TULP4: variants seen among roughly 807,000 people sequenced by gnomAD.
TULP4 encodes tubby-related protein 4.
Under a neutral mutation model 129.0 loss-of-function variants are expected in TULP4, and 16 were observed. That is an observed-to-expected ratio of 0.12 (90% confidence interval 0.08 to 0.19). The LOEUF is 0.19. Ranked by LOEUF, TULP4 falls within the 10% of genes least tolerant of loss-of-function variation. The pLI, the probability that TULP4 is intolerant of heterozygous loss-of-function variation, is 1.00. For synonymous variants in TULP4, 998 were observed against 854.0 expected (o/e 1.17, Z -2.94); for missense variants, 1,842 against 2,059.1 (o/e 0.89, Z 2.04).
intron 1 of TULP4, among the ~76,000 whole-genome samples, chr6:158,306,932 A>G (rs78911509): frequency 6.6e-6 from 1 of 151,938 alleles, no homozygotes; most frequent in East Asian, 1.9e-4. Context: ...AGGTGGGAGG[A>G]TTTTTTTGAG....
chr6:158,415,905 T>C (rs1778199655), intron 2 of TULP4, among the ~76,000 whole-genome samples: 1 of 152,098 alleles, frequency 6.6e-6, no homozygotes, highest in Admixed American at 6.5e-5. Context: ...CGTCTGCAAG[T>C]TGAGGGGCAA....
chr6:158,357,531 G>A (rs550798178), intron 1 of TULP4, among the ~76,000 whole-genome samples: 102 of 152,310 alleles, frequency 6.7e-4, no homozygotes, highest in African/African-American at 2.3e-3. Flanking sequence ...GCCCTGCGGC[G>A]GCCAGCAATT....
At position 158,429,993 on chromosome 6, in the gene TULP4, C is replaced by T. The variant is rs932978585; in HGVS notation, c.543+96C>T. 4 of 1,167,538 alleles carry T rather than the reference C, an allele frequency of 3.4e-6. No homozygotes were observed. In the Admixed American group the frequency reaches 1.1e-4, roughly 32 times the overall value. The allele number at this position is 1,167,538 out of a possible 1,614,324, so 72.3% of individuals were successfully genotyped here. On this transcript the variant is annotated intron_variant, in intron 3 of 13. Coordinates refer to ENST00000367097, the MANE Select transcript of TULP4 (RefSeq NM_020245.5). ...GAGAGGGGAGCTGGTGCAAAAGCCTCTTTAAGAATCACAATGGAAAAGAAC... is the reference window on the plus strand; with the variant it reads ...GAGAGGGGAGCTGGTGCAAAAGCCTTTTTAAGAATCACAATGGAAAAGAAC...
intron 2 of TULP4, among the ~76,000 whole-genome samples, chr6:158,422,924 G>A (rs1002351719): frequency 1.3e-5 from 2 of 152,236 alleles, no homozygotes; most frequent in South Asian, 2.1e-4. Flanking sequence ...GAAGGCGCCC[G>A]AATCGCCATG....
intron 1 of TULP4, among the ~76,000 whole-genome samples, chr6:158,354,612 G>T (rs1780601557): frequency 1.3e-5 from 2 of 152,176 alleles, no homozygotes; most frequent in Admixed American, 1.3e-4. Context: ...TTTGCCCTTG[G>T]CTGGGCATGG....
chr6:158,386,135 A>G (rs1460504224), intron 1 of TULP4, among the ~76,000 whole-genome samples: 2 of 152,036 alleles, frequency 1.3e-5, no homozygotes, highest in Non-Finnish European at 2.9e-5. Context: ...GTGAGCCACT[A>G]TGCCTTGCCA....
At chr6:158,388,949 G>A (rs1401357503) in intron 1 of TULP4, among the ~76,000 whole-genome samples, 1 of 152,164 alleles carries the variant, frequency 6.6e-6, no homozygotes, top group Non-Finnish European at 1.5e-5. Flanking sequence ...TGGACACAGT[G>A]ATTTACTGTT....
At chr6:158,289,753 T>A (rs1462229985) in intron 1 of TULP4, among the ~76,000 whole-genome samples, 5 of 151,766 alleles carry the variant, frequency 3.3e-5, no homozygotes, top group Non-Finnish European at 7.4e-5. Flanking sequence ...GCTGATTTTT[T>A]AATTTTTTGT....
In TULP4 at chr6:158,382,040, C is replaced by G. The variant is rs540655183; in HGVS notation, c.253-31025C>G. Among the ~76,000 whole-genome samples the G allele has an allele frequency of 8.5e-5, 13 of 152,218 alleles. No homozygotes were observed. The East Asian group carries it at 2.5e-3, about 29-fold the overall frequency. ...CTGGCATAATAAACATTCATGTTGACCTGTTTCTAGAAAAAGCAGCCAGGA... is the reference window on the plus strand; with the variant it reads ...CTGGCATAATAAACATTCATGTTGAGCTGTTTCTAGAAAAAGCAGCCAGGA... On this transcript the variant is annotated intron_variant, in intron 1 of 13. Transcript: ENST00000367097.
chr6:158,355,649 G>C (rs1021630611), intron 1 of TULP4, among the ~76,000 whole-genome samples: 2 of 152,198 alleles, frequency 1.3e-5, no homozygotes, highest in Admixed American at 1.3e-4. Context: ...CAGGAAATGG[G>C]AATGGAGAGG....
chr6:158,294,834 C>A (rs1026397939), intron 1 of TULP4, among the ~76,000 whole-genome samples: 2 of 152,174 alleles, frequency 1.3e-5, no homozygotes, highest in African/African-American at 2.4e-5. Flanking sequence ...CAAGCTCAAG[C>A]CATCCTCCTA....
intron 6 of TULP4, among the ~76,000 whole-genome samples, chr6:158,470,598 A>T (rs1362122139): frequency 6.6e-6 from 1 of 152,224 alleles, no homozygotes; most frequent in Non-Finnish European, 1.5e-5. Flanking sequence ...AGGCTTAGGG[A>T]TTCTTAGTCG....
rs990893259 is a variant in TULP4, at chr6:158,511,257, G to A, written c.*4563G>A. ...TGTTGTAGAAAAGCATGGGTTATGC[G>A]TTTGACTGAAAAAGACACTGTATTA... is the stretch of plus-strand genomic sequence containing the variant. On this transcript the variant is annotated 3_prime_UTR_variant, in exon 14 of 14. Coordinates refer to ENST00000367097, the MANE Select transcript of TULP4 (RefSeq NM_020245.5). 2 of 152,536 alleles carry A rather than the reference G, an allele frequency of 1.3e-5. No homozygotes were observed. The highest frequency in any genetic ancestry group is 4.8e-5 in the African/African-American group (2 of 41,394). 9.4% of individuals were successfully genotyped at this position (152,536 alleles called of 1,614,324 possible).
chr6:158,344,027 C>T (rs1278472611), intron 1 of TULP4, among the ~76,000 whole-genome samples: 2 of 152,160 alleles, frequency 1.3e-5, no homozygotes, highest in African/African-American at 2.4e-5. Flanking sequence ...TGATTTGTTT[C>T]TTCCCCACCC....
chr6:158,459,691 G>A (rs1376116287), intron 5 of TULP4, among the ~76,000 whole-genome samples: 1 of 152,192 alleles, frequency 6.6e-6, no homozygotes, highest in Non-Finnish European at 1.5e-5. Context: ...GTTCAGGTGA[G>A]GAGCTGTGGA....
chr6:158,492,162 GTTCT>G (rs1780226776), intron 9 of TULP4, among the ~76,000 whole-genome samples: 1 of 152,166 alleles, frequency 6.6e-6, no homozygotes, highest in Non-Finnish European at 1.5e-5. Context: ...CCAGCCAAGA[GTTCT>G]TTCTTCTAGA....
intron 8 of TULP4, 158 bp downstream of exon 8, chr6:158,481,447 T>C (rs1779943426): frequency 1.4e-6 from 1 of 697,436 alleles, no homozygotes; most frequent in South Asian, 1.7e-5. Flanking sequence ...CAGAATCCCA[T>C]TGAAATGAAC....
At chr6:158,336,733 A>G (rs762990660) in intron 1 of TULP4, among the ~76,000 whole-genome samples, 21 of 152,208 alleles carry the variant, frequency 1.4e-4, no homozygotes, top group Non-Finnish European at 2.6e-4. Flanking sequence ...ATAACTAACT[A>G]TTCAGGTAAA....
upstream of TULP4, among the ~76,000 whole-genome samples, chr6:158,277,944 A>G (rs549175053): frequency 6.6e-6 from 1 of 152,148 alleles, no homozygotes; most frequent in Non-Finnish European, 1.5e-5. Flanking sequence ...AGAGAGCATC[A>G]TATCAACTCC....
Sources: gnomAD v4.1 joint callset for allele counts (sites outside exome capture counted in the v4.1 genomes callset) on GRCh38, gnomAD v4.1.1 for gene constraint, MANE v1.5 for transcripts, NCBI Gene and HGNC (gene_info 2026-07-23, HGNC 2026-07-21) for gene names.